CLMN: variants seen among roughly 807,000 people sequenced by gnomAD.
CLMN encodes calmin.
In CLMN, 57 loss-of-function variants were observed where a neutral mutation model predicts 92.7. That is an observed-to-expected ratio of 0.61 (90% confidence interval 0.50 to 0.77). The LOEUF (loss-of-function observed/expected upper bound fraction) is 0.77, where lower values mean the gene tolerates loss of function less well. Among genes scored for constraint, CLMN ranks in the 30% least tolerant of loss-of-function variants. The probability of loss-of-function intolerance (pLI) is 0.00; values close to 1 mark genes in which losing one functional copy is unlikely to be tolerated. For synonymous variants in CLMN, 466 were observed against 470.6 expected, an observed-to-expected ratio of 0.99 and a Z score of 0.13; for missense variants, 1,158 against 1,237.5, an observed-to-expected ratio of 0.94 and a Z score of 0.96.
chr14:95,210,904 C>T, intron 6 of CLMN, 25 bp from the exon 7 acceptor site: 1 of 1,491,738 alleles, frequency 6.7e-7, no homozygotes, highest in South Asian at 1.4e-5. Flanking sequence ...GCAGCGGCGG[C>T]CAGGATGCTG....
At chr14:95,204,521 A>C in intron 8 of CLMN, 58 bp from the exon 9 acceptor site, 3 of 1,439,688 alleles carry the variant, frequency 2.1e-6, no homozygotes, top group Non-Finnish European at 2.8e-6. Flanking sequence ...ACAACAAAAA[A>C]AAGCACAGAG....
rs1364746548 is a variant in CLMN at position 95,294,344 on chromosome 14, G to C, written c.82+25367C>G. On this transcript the variant is annotated intron_variant, in intron 1 of 12. Coordinates refer to ENST00000298912, the MANE Select transcript of CLMN (RefSeq NM_024734.4). The surrounding 1 kb of genome is among the most constrained non-coding windows in gnomAD (Gnocchi z 4.2). ...GATCGCTGCAATGAAGCAGGAAAAA[G>C]CTGGGTTTCAGGACACAATCTCTTA... Among the ~76,000 whole-genome samples the C allele has an allele frequency of 6.6e-6, 1 of 152,240 alleles. No homozygotes were observed. The highest frequency in any genetic ancestry group is 1.5e-5 in the Non-Finnish European group (1 of 68,042).
intron 6 of CLMN, among the ~76,000 whole-genome samples, chr14:95,212,330 G>A (rs1236489842): frequency 2.0e-5 from 3 of 152,204 alleles, no homozygotes; most frequent in African/African-American, 4.8e-5. Flanking sequence ...CAGTCTGTAC[G>A]CTGAGGAGCT....
At chr14:95,220,037 TA>T (rs1897478375) in intron 4 of CLMN, among the ~76,000 whole-genome samples, 1 of 152,194 alleles carries the variant, frequency 6.6e-6, no homozygotes, top group East Asian at 1.9e-4. Flanking sequence ...GGACATTTCA[TA>T]TGAATAGAAT....
At position 95,213,425 on chromosome 14, in the gene CLMN, C is replaced by A; in HGVS notation, c.418-16G>T. 6.3e-7 allele frequency: 1 copy of A among 1,590,106 alleles called. No individual in the cohort carries two copies. The highest frequency in any genetic ancestry group is 1.9e-5 in the Admixed American group (1 of 54,002). On this transcript the variant is annotated splice_polypyrimidine_tract_variant and intron_variant, in intron 5 of 12. Coordinates refer to ENST00000298912, the MANE Select transcript of CLMN (RefSeq NM_024734.4). ...GCTCCTTAATCTGGAAGGAAAATGG[C>A]ATTTCAGACCCCAGCAACAGACCCA... is the stretch of plus-strand genomic sequence containing the variant.
rs753635313 is a variant in CLMN at position 95,209,482 on chromosome 14, CGA to C, written c.803-7_803-6del. 2.0e-5 allele frequency: 32 copies of C among 1,611,870 alleles called. No homozygotes were observed. Among genetic ancestry groups the C allele is most frequent in the Middle Eastern group, 3.3e-4 (2 of 6,074 alleles). Reference sequence around the variant, plus strand: ...CTGGTGTGTCAACCATGATGTCTGTCGAGAGAGACACAGGAATTAGCAGGAGA... The same window carrying C: ...CTGGTGTGTCAACCATGATGTCTGTCGAGAGACACAGGAATTAGCAGGAGA... On this transcript the variant is annotated splice_region_variant and splice_polypyrimidine_tract_variant and intron_variant, in intron 7 of 12. Transcript: ENST00000298912.
At chr14:95,238,933 T>G (rs1465928593) in intron 1 of CLMN, among the ~76,000 whole-genome samples, 1 of 152,062 alleles carries the variant, frequency 6.6e-6, no homozygotes, top group Non-Finnish European at 1.5e-5. Context: ...CACACCAAAT[T>G]AAGTTTAAGC....
At chr14:95,244,473 G>A (rs946895419) in intron 1 of CLMN, among the ~76,000 whole-genome samples, 3 of 152,162 alleles carry the variant, frequency 2.0e-5, no homozygotes, top group Admixed American at 1.3e-4. Flanking sequence ...CTGATTGTGG[G>A]TGCCTCTGGT....
intron 12 of CLMN, among the ~76,000 whole-genome samples, chr14:95,193,629 C>G (rs558727136): frequency 6.6e-6 from 1 of 152,162 alleles, no homozygotes; most frequent in South Asian, 2.1e-4. Flanking sequence ...TTTTCGGAAC[C>G]GGGCCCTAAC....
intron 4 of CLMN, among the ~76,000 whole-genome samples, chr14:95,219,855 T>C (rs566722758): frequency 2.9e-4 from 44 of 152,350 alleles, no homozygotes; most frequent in African/African-American, 1.0e-3. Context: ...ATTCGATGTT[T>C]TGTAGTGTAT....
At chr14:95,241,140 C>A (rs1898228962) in intron 1 of CLMN, among the ~76,000 whole-genome samples, 1 of 151,874 alleles carries the variant, frequency 6.6e-6, no homozygotes. Flanking sequence ...ATTTTTAAGC[C>A]CATCTGTCTT....
intron 1 of CLMN, among the ~76,000 whole-genome samples, chr14:95,239,323 G>A (rs537800783): frequency 2.0e-5 from 3 of 152,242 alleles, no homozygotes; most frequent in South Asian, 2.1e-4. Flanking sequence ...AGGAATGAAC[G>A]CAGGGAAGGA....
Position 95,204,416 on chromosome 14 carries a change from A to G in CLMN, c.933T>C (p.Phe311=). ...CAGAAGGAGTTTCTTTGATGCGAAC[A>G]AAAGTGGATTCGATAGGAACTTCTT... ...SDKEVPIEST[F]VRIKETPSEQ... Residue 311 remains phenylalanine (F), a synonymous_variant, in exon 9 of 13, where the codon TTT becomes TTC. Transcript: ENST00000298912. The G allele has an allele frequency of 6.2e-7, 1 of 1,611,494 alleles. No homozygotes were observed. Among genetic ancestry groups the G allele is most frequent in the South Asian group, 1.1e-5 (1 of 90,222 alleles).
At position 95,312,167 on chromosome 14, in the gene CLMN, C is replaced by T. The variant is rs1901570383; in HGVS notation, c.82+7544G>A. On this transcript the variant is annotated intron_variant, in intron 1 of 12. Transcript: ENST00000298912. ...TCCCCACCCTACACTCCTGCAGGAC[C>T]CACGGTGAGCACCCACAGTTCCTAC... Among the ~76,000 whole-genome samples, 3 of 152,240 alleles carry T rather than the reference C, an allele frequency of 2.0e-5. No individual in the cohort carries two copies. In the South Asian group the frequency reaches 6.2e-4, roughly 32 times the overall value.
intron 1 of CLMN, among the ~76,000 whole-genome samples, chr14:95,230,771 C>A (rs534806436): frequency 1.3e-5 from 2 of 152,244 alleles, no homozygotes; most frequent in Non-Finnish European, 2.9e-5. Context: ...TCCACACAGT[C>A]CCTGGCACAG....
chr14:95,232,751 T>A (rs1460605230), intron 1 of CLMN, among the ~76,000 whole-genome samples: 1 of 151,922 alleles, frequency 6.6e-6, no homozygotes, highest in East Asian at 1.9e-4. Context: ...GCTCAGAGAG[T>A]GTCTGTCCCA....
chr14:95,231,386 G>A (rs1897884451), intron 1 of CLMN, among the ~76,000 whole-genome samples: 1 of 151,980 alleles, frequency 6.6e-6, no homozygotes, highest in Admixed American at 6.6e-5. Flanking sequence ...TTTTAGTAGA[G>A]ACAGAGTTTC....
Position 95,191,521 on chromosome 14 carries a change from C to T in CLMN, c.*43G>A. 2 of 1,542,860 alleles carry T rather than the reference C, an allele frequency of 1.3e-6. No homozygotes were observed. The highest frequency in any genetic ancestry group is 1.8e-6 in the Non-Finnish European group (2 of 1,142,484). ...CCAAAATAAAATGAAGTAACCCCGCCCCTGGTCAGGGTCCTGTCTTTTTTA... is the reference window on the plus strand; with the variant it reads ...CCAAAATAAAATGAAGTAACCCCGCTCCTGGTCAGGGTCCTGTCTTTTTTA... On this transcript the variant is annotated 3_prime_UTR_variant, in exon 13 of 13. Coordinates refer to ENST00000298912, the MANE Select transcript of CLMN (RefSeq NM_024734.4). This position sits in a 1 kb window ranked among gnomAD's most constrained non-coding sequence, Gnocchi z 5.3.
chr14:95,210,984 C>G, intron 6 of CLMN, 105 bp from the exon 7 acceptor site: 1 of 1,193,976 alleles, frequency 8.4e-7, no homozygotes, highest in South Asian at 1.7e-5. Context: ...TGGGGCAGAG[C>G]TGCCGACCTC....
Sources: allele counts gnomAD v4.1 joint callset (sites outside exome capture counted in the v4.1 genomes callset), GRCh38; gene constraint gnomAD v4.1.1; non-coding constraint Gnocchi (gnomAD v3.1); transcripts MANE v1.5; gene names NCBI Gene and HGNC (gene_info 2026-07-23, HGNC 2026-07-21).